Variants in GOLM1 observed in about 807,000 individuals in gnomAD.
GOLM1 encodes the protein epididymis luminal protein 46.
In GOLM1, 31 loss-of-function variants were observed where a neutral mutation model predicts 50.5. The observed-to-expected ratio is 0.61, with a 90% CI of 0.46 to 0.83. GOLM1 has a LOEUF of 0.83. Among genes scored for constraint, GOLM1 ranks in the 40% least tolerant of loss-of-function variants. The pLI, the probability that GOLM1 is intolerant of heterozygous loss-of-function variation, is 0.00. For missense variants in GOLM1, 491 were observed against 501.3 expected, an observed-to-expected ratio of 0.98 and a Z score of 0.20; for synonymous variants, 178 against 192.8, an observed-to-expected ratio of 0.92 and a Z score of 0.64.
chr9:86,077,259 G>A, intron 3 of GOLM1, 153 bp downstream of exon 3: 2 of 640,724 alleles, frequency 3.1e-6, no homozygotes, highest in Middle Eastern at 2.9e-4. Flanking sequence ...GAGGGGAAAG[G>A]GAGAGAATGC....
intron 3 of GOLM1, among the ~76,000 whole-genome samples, chr9:86,059,704 A>G (rs983468277): frequency 1.3e-5 from 2 of 151,498 alleles, no homozygotes; most frequent in African/African-American, 2.4e-5. Context: ...AGACCAGCCT[A>G]GCCAACATAC....
intron 6 of GOLM1, chr9:86,036,894 C>G (rs1833164309): frequency 5.3e-6 from 1 of 187,020 alleles, no homozygotes; most frequent in Non-Finnish European, 1.1e-5. Flanking sequence ...ACCTGCTTCT[C>G]AGGCACACAC....
At chr9:86,051,969 A>G (rs539937532) in intron 4 of GOLM1, among the ~76,000 whole-genome samples, 5 of 152,216 alleles carry the variant, frequency 3.3e-5, no homozygotes, top group South Asian at 4.2e-4. Context: ...AAATTATTCA[A>G]CCCAACAGAT....
intron 3 of GOLM1, among the ~76,000 whole-genome samples, chr9:86,061,779 G>A (rs1237447186): frequency 5.9e-5 from 9 of 152,238 alleles, no homozygotes. Context: ...GTGTCTGTGA[G>A]TGTGAGTTGA....
intron 3 of GOLM1, among the ~76,000 whole-genome samples, chr9:86,056,137 CT>C (rs912306771): frequency 1.1e-4 from 9 of 83,730 alleles, no homozygotes; most frequent in African/African-American, 5.7e-4. Context: ...CTTAGCTCCC[CT>C]CCCGACCCAA....
intron 6 of GOLM1, among the ~76,000 whole-genome samples, chr9:86,040,525 G>A (rs1021743925): frequency 7.2e-5 from 11 of 152,262 alleles, no homozygotes; most frequent in East Asian, 3.9e-4. Flanking sequence ...GATAATTCCC[G>A]TAAAGCCCTG....
Position 86,094,631 on chromosome 9 carries a change from G to A in GOLM1, c.-22+4780C>T, listed in dbSNP as rs114435418. 3.6e-3 allele frequency among the ~76,000 whole-genome samples: 554 copies of A among 152,262 alleles called. 4 individuals are homozygous for A. The highest frequency in any genetic ancestry group is 0.013 in the African/African-American group (532 of 41,548). On this transcript the variant is annotated intron_variant, in intron 1 of 9. Coordinates refer to ENST00000388712, the MANE Select transcript of GOLM1 (RefSeq NM_016548.4). Reference sequence around the variant, plus strand: ...TTTTCTGAAGAAAGGTTGAACCACCGTCAAGAATATATCCTGGGGCCAGCA... The same window carrying A: ...TTTTCTGAAGAAAGGTTGAACCACCATCAAGAATATATCCTGGGGCCAGCA...
intron 3 of GOLM1, among the ~76,000 whole-genome samples, chr9:86,067,584 A>T (rs1290136170): frequency 6.6e-6 from 1 of 152,222 alleles, no homozygotes; most frequent in East Asian, 1.9e-4. Context: ...GCTTCTAATG[A>T]ATGTAGAAGT....
intron 3 of GOLM1, among the ~76,000 whole-genome samples, chr9:86,057,982 C>T (rs902724538): frequency 6.6e-6 from 1 of 152,230 alleles, no homozygotes; most frequent in Non-Finnish European, 1.5e-5. Context: ...CCAAGTCAAC[C>T]CTCTGCAATC....
In GOLM1 at chr9:86,027,167, T is replaced by C. The variant is rs1178923755; in HGVS notation, c.*650A>G. 2.0e-6 allele frequency: 2 copies of C among 985,322 alleles called. No homozygotes were observed. Among genetic ancestry groups the C allele is most frequent in the South Asian group, 4.7e-5 (1 of 21,290 alleles). 61.0% of individuals were successfully genotyped at this position (985,322 alleles called of 1,614,324 possible). On this transcript the variant is annotated 3_prime_UTR_variant, in exon 10 of 10. Transcript: ENST00000388712. ...AAATTCTAAGCCACTTAATAGCGTT[T>C]TGTACATTAAAAATGACAAGGGTTA...
intron 1 of GOLM1, among the ~76,000 whole-genome samples, chr9:86,090,196 G>A (rs1335820740): frequency 6.6e-6 from 1 of 152,172 alleles, no homozygotes; most frequent in African/African-American, 2.4e-5. Context: ...CTGCTAGGAG[G>A]TGTCTTCCAG....
At chr9:86,050,424 T>G (rs1178268629) in intron 4 of GOLM1, among the ~76,000 whole-genome samples, 2 of 152,214 alleles carry the variant, frequency 1.3e-5, no homozygotes, top group Non-Finnish European at 2.9e-5. Context: ...TTGATTAGAA[T>G]AGTTTCAGAA....
At chr9:86,065,537 C>T (rs1229399176) in intron 3 of GOLM1, among the ~76,000 whole-genome samples, 1 of 152,120 alleles carries the variant, frequency 6.6e-6, no homozygotes. Flanking sequence ...GAGAAGACAC[C>T]AGAACCCTCT....
chr9:86,053,642 A>ACT (rs1833879404), intron 3 of GOLM1, among the ~76,000 whole-genome samples: 1 of 1,846 alleles, frequency 5.4e-4, no homozygotes, highest in Admixed American at 6.7e-3. Context: ...CAAAACACAC[A>ACT]CCACACCATG....
intron 9 of GOLM1, among the ~76,000 whole-genome samples, chr9:86,029,005 C>T (rs184684325): frequency 3.9e-4 from 60 of 152,206 alleles, no homozygotes; most frequent in Admixed American, 1.4e-3. Flanking sequence ...CCCGCCACCA[C>T]GCCCGGCTGA....
At chr9:86,097,104 C>G (rs72748715) in intron 1 of GOLM1, among the ~76,000 whole-genome samples, 2,900 of 144,196 alleles carry the variant, frequency 0.02, 36 homozygotes, top group Middle Eastern at 0.074. Flanking sequence ...TGAGAAATAT[C>G]TGTGTGAAAG....
intron 3 of GOLM1, among the ~76,000 whole-genome samples, chr9:86,060,054 A>G (rs1834112829): frequency 1.3e-5 from 2 of 152,218 alleles, no homozygotes; most frequent in Admixed American, 1.3e-4. Context: ...CTTTAAAAAT[A>G]AGAAACAGGT....
In GOLM1 at chr9:86,052,524, G is replaced by T. The variant is rs751579609; in HGVS notation, c.364+13C>A. 2 of 1,612,388 alleles carry T rather than the reference G, an allele frequency of 1.2e-6. No homozygotes were observed. The highest frequency in any genetic ancestry group is 1.7e-6 in the Non-Finnish European group (2 of 1,178,480). On this transcript the variant is annotated intron_variant, in intron 4 of 9. Coordinates refer to ENST00000388712, the MANE Select transcript of GOLM1 (RefSeq NM_016548.4). ...AGGCCAGTGCCTGGTGTGGAGGAGCGAGCGGAACTTACCTTGCAGCACTCG... is the reference window on the plus strand; with the variant it reads ...AGGCCAGTGCCTGGTGTGGAGGAGCTAGCGGAACTTACCTTGCAGCACTCG...
intron 8 of GOLM1, chr9:86,034,977 C>T: frequency 1.0e-6 from 1 of 982,820 alleles, no homozygotes; most frequent in Middle Eastern, 5.2e-4. Flanking sequence ...TTCCTTCCTT[C>T]CTTCATTCAT....
Sources: gnomAD v4.1 joint callset for allele counts (sites outside exome capture counted in the v4.1 genomes callset) on GRCh38, gnomAD v4.1.1 for gene constraint, MANE v1.5 for transcripts, NCBI Gene and HGNC (gene_info 2026-07-23, HGNC 2026-07-21) for gene names.